The following DYM variants were observed in gnomAD, a reference collection of about 807,000 sequenced individuals.
DYM encodes the protein dyggve-Melchior-Clausen syndrome protein.
Under a neutral mutation model 93.1 loss-of-function variants are expected in DYM, and 78 were observed. That is an observed-to-expected ratio of 0.84 (90% CI 0.70 to 1.01). DYM has a LOEUF of 1.01. Among genes scored for constraint, DYM ranks in the 50% least tolerant of loss-of-function variants. The pLI is 0.00. For synonymous variants in DYM, 321 were observed against 319.7 expected (o/e 1.00, Z -0.04); for missense variants, 789 against 845.0 (o/e 0.93, Z 0.82).
rs370615887 is a variant in DYM, at chr18:49,264,628, T to C, written c.1252-6135A>G. ...AACGATGATTACTGTTCCGGGTCTC[T>C]ATTCTGTTTTTCTATTACTTTGCCC... On this transcript the variant is annotated intron_variant, in intron 11 of 17. Coordinates refer to ENST00000675505, the MANE Select transcript of DYM (RefSeq NM_001353214.3). Among the ~76,000 whole-genome samples the C allele has an allele frequency of 1.2e-4, 19 of 152,342 alleles. No individual in the cohort carries two copies. The South Asian group carries it at 3.9e-3, about 32-fold the overall frequency.
At chr18:49,375,252 A>G (rs1247811677) in intron 5 of DYM, among the ~76,000 whole-genome samples, 1 of 150,340 alleles carries the variant, frequency 6.7e-6, no homozygotes, top group African/African-American at 2.5e-5. Flanking sequence ...CTTGGGCTTT[A>G]GAAGAAAAAA....
chr18:49,271,160 A>G (rs1451481078), intron 11 of DYM, among the ~76,000 whole-genome samples: 1 of 152,160 alleles, frequency 6.6e-6, no homozygotes, highest in African/African-American at 2.4e-5. Context: ...AAGTTTGAAT[A>G]TATTTTGAGC....
rs1006188295 is a variant in DYM, at chr18:49,273,804, T to C, written c.1126-1501A>G. Among the ~76,000 whole-genome samples, 5 of 149,810 alleles carry C rather than the reference T, an allele frequency of 3.3e-5. No individual in the cohort carries two copies. In the East Asian group the frequency reaches 8.0e-4, roughly 24 times the overall value. On this transcript the variant is annotated intron_variant, in intron 10 of 17. Transcript: ENST00000675505. ...CCCCACATTAAGCAACATGTGACTGTATATTTTATGCCTTTTTTTTTTTTT... is the reference window on the plus strand; with the variant it reads ...CCCCACATTAAGCAACATGTGACTGCATATTTTATGCCTTTTTTTTTTTTT...
intron 2 of DYM, among the ~76,000 whole-genome samples, chr18:49,415,420 ATTT>A (rs1329794805): frequency 6.7e-6 from 1 of 148,412 alleles, no homozygotes; most frequent in Non-Finnish European, 1.5e-5. Flanking sequence ...GGTTGTTATT[ATTT>A]TTATCTTTTT....
At chr18:49,071,416 A>G (rs924828785) in intron 17 of DYM, among the ~76,000 whole-genome samples, 5 of 152,240 alleles carry the variant, frequency 3.3e-5, no homozygotes, top group African/African-American at 1.2e-4. Flanking sequence ...CTGTGATACA[A>G]TTGAAACCAC....
chr18:49,333,887 T>C, intron 6 of DYM, 34 bp from the exon 7 acceptor site: 2 of 1,585,932 alleles, frequency 1.3e-6, no homozygotes, highest in East Asian at 2.2e-5. Flanking sequence ...AACAGTCACT[T>C]TGGAAGATTA....
chr18:49,440,961 T>A (rs1210934949), intron 1 of DYM, among the ~76,000 whole-genome samples: 5 of 184 alleles, frequency 0.027, 2 homozygotes, highest in African/African-American at 0.031. Flanking sequence ...TATAAATATA[T>A]TATATTTATA....
chr18:49,301,904 C>T (rs139145517), intron 8 of DYM, among the ~76,000 whole-genome samples: 1 of 152,312 alleles, frequency 6.6e-6, no homozygotes. Context: ...TGCCATGCAA[C>T]AGGAGTGACA....
At chr18:49,315,058 T>C (rs1207520033) in intron 8 of DYM, among the ~76,000 whole-genome samples, 1 of 151,908 alleles carries the variant, frequency 6.6e-6, no homozygotes, top group African/African-American at 2.4e-5. Context: ...CTACAACAGA[T>C]ACAAAAATTA....
At chr18:49,199,302 C>T (rs968445093) in intron 14 of DYM, among the ~76,000 whole-genome samples, 7 of 152,206 alleles carry the variant, frequency 4.6e-5, no homozygotes, top group African/African-American at 1.7e-4. Flanking sequence ...GGGTGCAGCA[C>T]ACCAACATGG....
chr18:49,266,460 A>T (rs2094571914), intron 11 of DYM, among the ~76,000 whole-genome samples: 1 of 152,136 alleles, frequency 6.6e-6, no homozygotes, highest in South Asian at 2.1e-4. Context: ...ACAGAACAAA[A>T]ATTAGCTGGG....
intron 17 of DYM, among the ~76,000 whole-genome samples, chr18:49,079,907 A>G (rs1179350564): frequency 4.0e-5 from 6 of 151,258 alleles, no homozygotes; most frequent in African/African-American, 1.2e-4. Flanking sequence ...CCCGTTCTCA[A>G]TGAGCTGTTG....
intron 6 of DYM, among the ~76,000 whole-genome samples, chr18:49,347,733 T>TTAAG (rs1398636663): frequency 1.3e-4 from 20 of 152,226 alleles, no homozygotes; most frequent in Non-Finnish European, 2.5e-4. Flanking sequence ...TTAATTTGGC[T>TTAAG]ATCTTAAGTG....
At chr18:49,337,651 G>A (rs1156437012) in intron 6 of DYM, among the ~76,000 whole-genome samples, 1 of 152,196 alleles carries the variant, frequency 6.6e-6, no homozygotes, top group Non-Finnish European at 1.5e-5. Context: ...GCAAAAAGGA[G>A]AGAAGAAAGA....
At chr18:49,441,196 A>G (rs1384890983) in intron 1 of DYM, among the ~76,000 whole-genome samples, 5 of 37,250 alleles carry the variant, frequency 1.3e-4, no homozygotes, top group African/African-American at 5.2e-4. Flanking sequence ...TATATAATAT[A>G]TTATATATTA....
At position 49,107,793 on chromosome 18, in the gene DYM, G is replaced by A. The variant is rs927569446; in HGVS notation, c.1912-10278C>T. On this transcript the variant is annotated intron_variant, in intron 16 of 17. Transcript: ENST00000675505. ...TTTTGTCTGAGACGAGTACCCGGCC[G>A]TGTGAAGTGTCAGTCTGCCCCTACT... Among the ~76,000 whole-genome samples, 8 of 152,162 alleles carry A rather than the reference G, an allele frequency of 5.3e-5. No homozygotes were observed. In the East Asian group the frequency reaches 9.6e-4, roughly 18 times the overall value.
At chr18:49,322,197 T>C (rs1178735087) in intron 8 of DYM, among the ~76,000 whole-genome samples, 1 of 152,036 alleles carries the variant, frequency 6.6e-6, no homozygotes, top group Non-Finnish European at 1.5e-5. Context: ...ACACCCACCA[T>C]TGCAAGCAAA....
chr18:49,442,655 T>C (rs1271007931), intron 1 of DYM, among the ~76,000 whole-genome samples: 3 of 150,482 alleles, frequency 2.0e-5, no homozygotes, highest in African/African-American at 7.3e-5. Context: ...TAGATAATAA[T>C]GAAAACAGTA....
intron 17 of DYM, among the ~76,000 whole-genome samples, chr18:49,079,725 G>C (rs1478636395): frequency 1.3e-5 from 2 of 151,648 alleles, no homozygotes. Context: ...TTGGGGGTAA[G>C]GTCACCGATC....
Sources: gnomAD v4.1 joint callset for allele counts (sites outside exome capture counted in the v4.1 genomes callset) on GRCh38, gnomAD v4.1.1 for gene constraint, MANE v1.5 for transcripts, NCBI Gene and HGNC (gene_info 2026-07-23, HGNC 2026-07-21) for gene names.